Variants in POU2AF3 observed in about 807,000 individuals in gnomAD.
The protein encoded by POU2AF3 is POU class 2 homeobox associating factor 3, also known as cancer susceptibility candidate 13.
chr11:111,302,179 G>A, the POU2AF3 span, among the ~76,000 whole-genome samples: 1,342 of 152,266 alleles, frequency 8.8e-3, 12 homozygotes, highest in Non-Finnish European at 0.016. Flanking sequence ...TCATGGCAAC[G>A]CTAAAAGTAG....
the POU2AF3 span, among the ~76,000 whole-genome samples, chr11:111,302,744 C>T: frequency 1.3e-5 from 2 of 152,176 alleles, no homozygotes; most frequent in Non-Finnish European, 2.9e-5. Context: ...CCTATGCCCT[C>T]GCAAGCAAGC....
At chr11:111,303,595 G>A in the POU2AF3 span, among the ~76,000 whole-genome samples, 1 of 152,198 alleles carries the variant, frequency 6.6e-6, no homozygotes, top group African/African-American at 2.4e-5. Flanking sequence ...CAATGAGGCA[G>A]ATTTTTTAAT....
At chr11:111,299,157 G>A in the POU2AF3 span, 5 of 947,900 alleles carry the variant, frequency 5.3e-6, no homozygotes, top group African/African-American at 1.8e-5. Flanking sequence ...TCCTTTCCTG[G>A]GGAGACCCTA....
the POU2AF3 span, chr11:111,299,276 C>G: frequency 1.0e-6 from 1 of 986,562 alleles, no homozygotes; most frequent in Non-Finnish European, 1.2e-6. Context: ...CCAGGCTGAA[C>G]GCGCGGTCAC....
chr11:111,304,795 CA>C, the POU2AF3 span: 2,123 of 457,730 alleles, frequency 4.6e-3, 44 homozygotes, highest in African/African-American at 0.038. Flanking sequence ...AAAAAGAAAG[CA>C]ACTTTTTCTG....
At chr11:111,299,712 A>T in the POU2AF3 span, 13 of 1,231,842 alleles carry the variant, frequency 1.1e-5, no homozygotes, top group African/African-American at 1.6e-5. Flanking sequence ...CGCCTGCCCC[A>T]GAAAGGGAGG....
chr11:111,299,219 G>C, the POU2AF3 span: 3 of 981,918 alleles, frequency 3.1e-6, no homozygotes, highest in South Asian at 4.7e-5. Context: ...TGCGGTCCCC[G>C]CAGTGACCAG....
chr11:111,303,774 C>CA, the POU2AF3 span, among the ~76,000 whole-genome samples: 2 of 152,112 alleles, frequency 1.3e-5, no homozygotes, highest in East Asian at 3.9e-4. Context: ...CCCTGTGGCT[C>CA]AGAGTATGGG....
At chr11:111,300,231 C>G in the POU2AF3 span, 3 of 317,508 alleles carry the variant, frequency 9.4e-6, no homozygotes, top group Non-Finnish European at 1.7e-5. Flanking sequence ...TCTCCATATT[C>G]CAGAGCAGAA....
At chr11:111,308,597 T>C in the POU2AF3 span, 1 of 674,148 alleles carries the variant, frequency 1.5e-6, no homozygotes, top group South Asian at 2.7e-5. Context: ...TATGAAGTCC[T>C]CAGACCCGGT....
the POU2AF3 span, among the ~76,000 whole-genome samples, chr11:111,304,458 A>T: frequency 6.6e-6 from 1 of 152,204 alleles, no homozygotes. Context: ...TTAAAATTTA[A>T]GTAGAAGAAT....
At chr11:111,299,095 C>G in the POU2AF3 span, 3 of 977,224 alleles carry the variant, frequency 3.1e-6, no homozygotes, top group Non-Finnish European at 3.6e-6. Flanking sequence ...GCGCCTGGGC[C>G]CTGCGGGCGG....
At chr11:111,299,554 C>A in the POU2AF3 span, 2 of 1,203,444 alleles carry the variant, frequency 1.7e-6, no homozygotes, top group African/African-American at 3.1e-5. Context: ...CGAGCCGGGG[C>A]AGTCCGACCG....
the POU2AF3 span, among the ~76,000 whole-genome samples, chr11:111,303,178 G>A: frequency 6.6e-6 from 1 of 152,198 alleles, no homozygotes; most frequent in South Asian, 2.1e-4. Context: ...CTGTGTGTAT[G>A]CCGGATTGGA....
At chr11:111,298,855 G>C in the POU2AF3 span, 1 of 580,462 alleles carries the variant, frequency 1.7e-6, no homozygotes, top group Non-Finnish European at 2.4e-6. Context: ...CGTATCCACT[G>C]TTGTGTCCTG....
chr11:111,302,441 T>A, the POU2AF3 span, among the ~76,000 whole-genome samples: 40 of 152,312 alleles, frequency 2.6e-4, no homozygotes, highest in African/African-American at 8.9e-4. Context: ...CTTGCTACAG[T>A]TCTGCTCAGC....
At chr11:111,300,159 G>C in the POU2AF3 span, 2 of 353,448 alleles carry the variant, frequency 5.7e-6, no homozygotes, top group Non-Finnish European at 1.0e-5. Flanking sequence ...TCTCTCGGCT[G>C]TCTGGGTCTG....
chr11:111,305,012 C>G, the POU2AF3 span: 1 of 1,212,358 alleles, frequency 8.2e-7, no homozygotes, highest in Non-Finnish European at 1.0e-6. Context: ...ACAGTTCCCT[C>G]AAACACTCTT....
the POU2AF3 span, chr11:111,298,846 G>GTATC: frequency 2.8e-6 from 1 of 354,540 alleles, no homozygotes; most frequent in Non-Finnish European, 4.5e-6. Context: ...GCCCTCCCAC[G>GTATC]TATCCACTGT....
Sources: allele counts gnomAD v4.1 joint callset (sites outside exome capture counted in the v4.1 genomes callset), GRCh38; gene constraint gnomAD v4.1.1; transcripts MANE v1.5; gene names NCBI Gene and HGNC (gene_info 2026-07-23, HGNC 2026-07-21).